The following ARHGAP10 variants were observed in gnomAD, a reference collection of about 807,000 sequenced individuals.
ARHGAP10 encodes the protein rho GTPase-activating protein 10.
ARHGAP10 carries 87 observed loss-of-function variants against 108.6 expected under a neutral mutation model. That is an observed-to-expected ratio of 0.80 (90% CI 0.67 to 0.96). The LOEUF (loss-of-function observed/expected upper bound fraction) is 0.96. ARHGAP10 is among the 40% of genes least tolerant of loss of function. ARHGAP10 has a pLI of 0.00. For synonymous variants in ARHGAP10, 347 were observed against 341.1 expected, an observed-to-expected ratio of 1.02 and a Z score of -0.19; for missense variants, 939 against 954.5, an observed-to-expected ratio of 0.98 and a Z score of 0.21.
intron 1 of ARHGAP10, among the ~76,000 whole-genome samples, chr4:147,803,334 A>G: frequency 6.6e-6 from 1 of 152,154 alleles, no homozygotes; most frequent in East Asian, 1.9e-4. Flanking sequence ...TTTTATTGAT[A>G]CATAACTGTA....
chr4:147,753,355 C>CTT (rs36025529), intron 1 of ARHGAP10, among the ~76,000 whole-genome samples: 153 of 145,662 alleles, frequency 1.1e-3, no homozygotes, highest in Middle Eastern at 6.9e-3. Flanking sequence ...CTTTTCTTTT[C>CTT]TTTTTTTTTT....
At chr4:148,044,218 A>G (rs1313787916) in intron 19 of ARHGAP10, among the ~76,000 whole-genome samples, 1 of 152,046 alleles carries the variant, frequency 6.6e-6, no homozygotes, top group Non-Finnish European at 1.5e-5. Flanking sequence ...AAAGGATTAG[A>G]GGCAGTGTAA....
At chr4:148,060,266 A>T (rs1226138350) in intron 20 of ARHGAP10, among the ~76,000 whole-genome samples, 1 of 152,148 alleles carries the variant, frequency 6.6e-6, no homozygotes, top group Admixed American at 6.5e-5. Flanking sequence ...ATATTTAAAA[A>T]ATGTTTCGAT....
intron 1 of ARHGAP10, among the ~76,000 whole-genome samples, chr4:147,772,517 G>T (rs1041913641): frequency 5.9e-5 from 9 of 152,360 alleles, no homozygotes; most frequent in African/African-American, 2.2e-4. Flanking sequence ...TTCTAGCTCA[G>T]ACTTGTACCA....
intron 4 of ARHGAP10, 28 bp from the exon 5 acceptor site, chr4:147,857,525 T>G (rs1734141868): frequency 7.1e-7 from 1 of 1,401,612 alleles, no homozygotes. Flanking sequence ...TTGTTTCTGT[T>G]TAATCATAGT....
intron 22 of ARHGAP10, among the ~76,000 whole-genome samples, chr4:148,069,604 G>A (rs538416921): frequency 6.6e-6 from 1 of 152,184 alleles, no homozygotes; most frequent in Non-Finnish European, 1.5e-5. Context: ...GTGTGTATAG[G>A]GTAGGAGGAG....
At chr4:147,968,306 G>A (rs1286920624) in intron 18 of ARHGAP10, among the ~76,000 whole-genome samples, 1 of 152,162 alleles carries the variant, frequency 6.6e-6, no homozygotes, top group African/African-American at 2.4e-5. Flanking sequence ...GAAAAATGCT[G>A]CTGACTCATA....
chr4:147,823,135 C>T (rs1460967519), intron 3 of ARHGAP10, among the ~76,000 whole-genome samples, 178 bp downstream of exon 3: 3 of 152,172 alleles, frequency 2.0e-5, no homozygotes, highest in Admixed American at 1.3e-4. Flanking sequence ...GTGCTGACCA[C>T]GGTCAGAACT....
intron 19 of ARHGAP10, among the ~76,000 whole-genome samples, chr4:148,045,998 C>A (rs529285612): frequency 2.0e-5 from 3 of 152,134 alleles, no homozygotes; most frequent in Non-Finnish European, 4.4e-5. Context: ...AACATTGCTG[C>A]CTCTGCAGGG....
chr4:147,932,026 GACAA>G, intron 13 of ARHGAP10, among the ~76,000 whole-genome samples: 8 of 151,964 alleles, frequency 5.3e-5, no homozygotes, highest in African/African-American at 1.5e-4. Context: ...CACTTCTCAA[GACAA>G]GACATACATG....
chr4:147,851,958 A>G (rs548288045), intron 4 of ARHGAP10, among the ~76,000 whole-genome samples: 3 of 152,192 alleles, frequency 2.0e-5, no homozygotes, highest in Non-Finnish European at 4.4e-5. Flanking sequence ...GATTTGGGAC[A>G]AGTGACTTAA....
At chr4:148,059,087 C>CT (rs1378567618) in intron 20 of ARHGAP10, among the ~76,000 whole-genome samples, 2 of 152,120 alleles carry the variant, frequency 1.3e-5, no homozygotes, top group African/African-American at 4.8e-5. Flanking sequence ...GTGAAACACT[C>CT]TTGTTTCTAT....
At chr4:147,743,917 GAAA>G (rs1296587524) in intron 1 of ARHGAP10, among the ~76,000 whole-genome samples, 12 of 152,082 alleles carry the variant, frequency 7.9e-5, no homozygotes, top group Non-Finnish European at 1.6e-4. Context: ...GCTAGGCGTA[GAAA>G]AAAAATTAAA....
At chr4:147,955,775 A>G (rs992627649) in intron 16 of ARHGAP10, among the ~76,000 whole-genome samples, 14 of 152,172 alleles carry the variant, frequency 9.2e-5, no homozygotes, top group African/African-American at 3.4e-4. Context: ...TGGAGAGATT[A>G]GTAGTTTGGA....
intron 20 of ARHGAP10, among the ~76,000 whole-genome samples, chr4:148,050,264 G>T (rs35350473): frequency 0.15 from 22,705 of 150,166 alleles, 1,831 homozygotes; most frequent in South Asian, 0.22. Context: ...TTATTTTAAT[G>T]ATGTATTTAT....
intron 19 of ARHGAP10, among the ~76,000 whole-genome samples, chr4:148,025,086 T>C (rs1741715175): frequency 6.6e-6 from 1 of 152,228 alleles, no homozygotes; most frequent in Non-Finnish European, 1.5e-5. Context: ...CTTTTGATCA[T>C]TGGATTGCTA....
intron 13 of ARHGAP10, among the ~76,000 whole-genome samples, chr4:147,931,834 A>AT (rs1465933006): frequency 6.6e-6 from 1 of 152,256 alleles, no homozygotes. Context: ...ATGGGATCTT[A>AT]TTAAACTAAA....
chr4:147,897,837 G>C (rs922365965), intron 10 of ARHGAP10, among the ~76,000 whole-genome samples: 2 of 151,982 alleles, frequency 1.3e-5, no homozygotes, highest in Admixed American at 1.3e-4. Flanking sequence ...GCATACATGT[G>C]GGTGTAACTT....
At chr4:148,002,564 G>T (rs1370445993) in intron 18 of ARHGAP10, among the ~76,000 whole-genome samples, 1 of 152,118 alleles carries the variant, frequency 6.6e-6, no homozygotes. Flanking sequence ...TGGTTGGTAG[G>T]CTATTAATTA....
Sources: allele counts gnomAD v4.1 joint callset (sites outside exome capture counted in the v4.1 genomes callset), GRCh38; gene constraint gnomAD v4.1.1; transcripts MANE v1.5; gene names NCBI Gene and HGNC (gene_info 2026-07-23, HGNC 2026-07-21).